Variants in ONECUT2 observed in about 807,000 individuals in gnomAD.
ONECUT2 encodes the protein one cut homeobox 2.
A neutral mutation model predicts 27.9 loss-of-function variants in ONECUT2; 10 were observed. The ratio of observed to expected loss-of-function variants is 0.36; its 90% CI spans 0.22 to 0.61. ONECUT2 has a LOEUF of 0.61. Ranked by LOEUF, ONECUT2 falls within the 20% of genes least tolerant of loss-of-function variation. The pLI is 0.73. For synonymous variants in ONECUT2, 334 were observed against 315.1 expected, an observed-to-expected ratio of 1.06 and a Z score of -0.64; for missense variants, 686 against 721.0, an observed-to-expected ratio of 0.95 and a Z score of 0.56.
intron 1 of ONECUT2, among the ~76,000 whole-genome samples, chr18:57,446,183 C>T (rs1286820550): frequency 6.6e-6 from 1 of 152,232 alleles, no homozygotes; most frequent in African/African-American, 2.4e-5. Flanking sequence ...GGGCCCTTTC[C>T]AGAGTTTTGA....
At chr18:57,456,313 C>T (rs1490618902) in intron 1 of ONECUT2, among the ~76,000 whole-genome samples, 1 of 152,188 alleles carries the variant, frequency 6.6e-6, no homozygotes, top group African/African-American at 2.4e-5. Context: ...TTATTCACAA[C>T]AGCCAAAAGG....
At chr18:57,474,280 G>C (rs942513708) in intron 1 of ONECUT2, among the ~76,000 whole-genome samples, 3 of 152,158 alleles carry the variant, frequency 2.0e-5, no homozygotes, top group Admixed American at 2.0e-4. Flanking sequence ...GCATCCAGCA[G>C]GGAGGGCAGC....
intron 1 of ONECUT2, among the ~76,000 whole-genome samples, chr18:57,459,597 G>A (rs551017734): frequency 5.3e-5 from 8 of 152,004 alleles, no homozygotes; most frequent in African/African-American, 7.2e-5. Flanking sequence ...CACTCTTGTC[G>A]CCCAGGCTGA....
intron 1 of ONECUT2, among the ~76,000 whole-genome samples, chr18:57,443,859 C>T (rs978863182): frequency 1.2e-4 from 19 of 152,302 alleles, no homozygotes; most frequent in Admixed American, 5.2e-4. Flanking sequence ...CATTCCACCT[C>T]GGCACCTCTT....
At chr18:57,471,002 T>C (rs2050350607) in intron 1 of ONECUT2, among the ~76,000 whole-genome samples, 1 of 152,234 alleles carries the variant, frequency 6.6e-6, no homozygotes, top group African/African-American at 2.4e-5. Context: ...GAAGCTACTC[T>C]GTTACTGACC....
Position 57,490,098 on chromosome 18 carries a change from T to C in ONECUT2, c.*13375T>C, listed in dbSNP as rs2050457626. On this transcript the variant is annotated 3_prime_UTR_variant, in exon 2 of 2. Transcript: ENST00000491143. ...TCATCTTTGCATTTCTCAAAAGTGT[T>C]CTCCTGGACCAGAGGGAAAGAGCTG... 6.6e-6 allele frequency: 1 copy of C among 152,198 alleles called. No homozygotes were observed. Among genetic ancestry groups the C allele is most frequent in the South Asian group, 2.1e-4 (1 of 4,828 alleles). 9.4% of individuals were successfully genotyped at this position (152,198 alleles called of 1,614,324 possible). A position where few individuals can be genotyped will look rare whatever the true frequency, so the allele number is the denominator to read the frequency against.
chr18:57,463,157 C>T (rs2050302450), intron 1 of ONECUT2, among the ~76,000 whole-genome samples: 1 of 152,126 alleles, frequency 6.6e-6, no homozygotes. Flanking sequence ...TGACACAATG[C>T]CTATCCAGTT....
intron 1 of ONECUT2, among the ~76,000 whole-genome samples, chr18:57,461,268 G>A (rs532622827): frequency 6.6e-6 from 1 of 152,104 alleles, no homozygotes; most frequent in Non-Finnish European, 1.5e-5. Flanking sequence ...GCTGCATGTA[G>A]TAGCAGTCAT....
intron 1 of ONECUT2, among the ~76,000 whole-genome samples, chr18:57,471,574 G>A (rs3786467): frequency 0.049 from 7,459 of 152,186 alleles, 671 homozygotes; most frequent in East Asian, 0.36. Context: ...GGCTTCCCTT[G>A]TTTTACCCTG....
intron 1 of ONECUT2, among the ~76,000 whole-genome samples, chr18:57,467,822 T>C (rs1346924064): frequency 6.6e-6 from 1 of 152,172 alleles, no homozygotes; most frequent in Non-Finnish European, 1.5e-5. Context: ...AGCTCGGAAC[T>C]TGGGGACTTT....
At chr18:57,449,927 C>T (rs377684638) in intron 1 of ONECUT2, among the ~76,000 whole-genome samples, 10 of 152,192 alleles carry the variant, frequency 6.6e-5, no homozygotes, top group Admixed American at 3.9e-4. Flanking sequence ...ACACTGCTCT[C>T]TAGGTCTTTT....
Position 57,488,847 on chromosome 18 carries a change from C to T in ONECUT2, c.*12124C>T, listed in dbSNP as rs2050450436. ...GTAGGTTTTGGTACTAGGAAGAAATCTCTGTATCTGTCAGCTTTAAAGAGA... is the reference window on the plus strand; with the variant it reads ...GTAGGTTTTGGTACTAGGAAGAAATTTCTGTATCTGTCAGCTTTAAAGAGA... On this transcript the variant is annotated 3_prime_UTR_variant, in exon 2 of 2. Coordinates refer to ENST00000491143, the MANE Select transcript of ONECUT2 (RefSeq NM_004852.3). 1 of 152,086 alleles carries T rather than the reference C, an allele frequency of 6.6e-6. No homozygotes were observed. Among genetic ancestry groups the T allele is most frequent in the African/African-American group, 2.4e-5 (1 of 41,408 alleles). 9.4% of individuals were successfully genotyped at this position (152,086 alleles called of 1,614,324 possible).
Position 57,476,623 on chromosome 18 carries a change from ACTT to A in ONECUT2, c.1420_1422del (p.Phe474del). On this transcript the variant is annotated inframe_deletion, in exon 2 of 2. Coordinates refer to ENST00000491143, the MANE Select transcript of ONECUT2 (RefSeq NM_004852.3). ...GGCCTGGAGCTCACAACCGTCAGCA[ACTT>A]CTTCATGAACGCCCGGCGCCGCAGC... The A allele has an allele frequency of 6.2e-7, 1 of 1,614,200 alleles. No homozygotes were observed. Among genetic ancestry groups the A allele is most frequent in the Non-Finnish European group, 8.5e-7 (1 of 1,180,038 alleles).
intron 1 of ONECUT2, among the ~76,000 whole-genome samples, chr18:57,469,329 AC>A (rs34048409): frequency 4.1e-4 from 62 of 152,168 alleles, no homozygotes; most frequent in African/African-American, 1.4e-3. Flanking sequence ...ACAAATGCAC[AC>A]CCTGGATGGT....
At chr18:57,452,681 T>A (rs1375764514) in intron 1 of ONECUT2, among the ~76,000 whole-genome samples, 1 of 152,214 alleles carries the variant, frequency 6.6e-6, no homozygotes, top group Non-Finnish European at 1.5e-5. Flanking sequence ...CACCTTGGCC[T>A]CCCAAAGTGC....
At chr18:57,462,946 G>T (rs2050301294) in intron 1 of ONECUT2, among the ~76,000 whole-genome samples, 1 of 151,888 alleles carries the variant, frequency 6.6e-6, no homozygotes, top group Non-Finnish European at 1.5e-5. Flanking sequence ...TGGCCAGGCT[G>T]GTCTCGAACT....
rs1039829078 is a variant in ONECUT2, at chr18:57,463,999, A to T, written c.1229-12438A>T. Among the ~76,000 whole-genome samples, 56 of 152,214 alleles carry T rather than the reference A, an allele frequency of 3.7e-4. 1 individual carries two copies. The highest frequency in any genetic ancestry group is 3.4e-3 in the Middle Eastern group (1 of 294). On this transcript the variant is annotated intron_variant, in intron 1 of 1. Transcript: ENST00000491143. The stretch of plus-strand genomic sequence containing the variant: ...TTCTAGGTTACAAAACCAAAAAAAA[A>T]AAAAAGTCCCTCATATTAACTTATA...
At position 57,485,464 on chromosome 18, in the gene ONECUT2, G is replaced by A. The variant is rs1200426161; in HGVS notation, c.*8741G>A. Reference sequence around the variant, plus strand: ...TTCCTTCTTACTCATGAAATTAATTGGTCTTCTTCAAGTTTCTTTAGATTC... The same window carrying A: ...TTCCTTCTTACTCATGAAATTAATTAGTCTTCTTCAAGTTTCTTTAGATTC... On this transcript the variant is annotated 3_prime_UTR_variant, in exon 2 of 2. Coordinates refer to ENST00000491143, the MANE Select transcript of ONECUT2 (RefSeq NM_004852.3). The A allele has an allele frequency of 6.6e-6, 1 of 152,026 alleles. No individual in the cohort carries two copies. Among genetic ancestry groups the A allele is most frequent in the East Asian group, 1.9e-4 (1 of 5,186 alleles). 9.4% of individuals were successfully genotyped at this position (152,026 alleles called of 1,614,324 possible).
chr18:57,461,788 G>A (rs1286347912), intron 1 of ONECUT2, among the ~76,000 whole-genome samples: 1 of 152,226 alleles, frequency 6.6e-6, no homozygotes, highest in Non-Finnish European at 1.5e-5. Context: ...GGCCTGCACT[G>A]CATGTGGGCA....
Sources: allele counts gnomAD v4.1 joint callset (sites outside exome capture counted in the v4.1 genomes callset), GRCh38; gene constraint gnomAD v4.1.1; transcripts MANE v1.5; gene names NCBI Gene and HGNC (gene_info 2026-07-23, HGNC 2026-07-21).